Variants in PTK7 observed in about 807,000 individuals in gnomAD.
PTK7 encodes protein tyrosine kinase 7 (inactive), also known as inactive tyrosine-protein kinase 7.
Under a neutral mutation model 116.6 loss-of-function variants are expected in PTK7, and 39 were observed. That is an observed-to-expected ratio of 0.33 (90% confidence interval 0.26 to 0.44). The LOEUF (loss-of-function observed/expected upper bound fraction) is 0.44, where lower values mean the gene tolerates loss of function less well. Among genes scored for constraint, PTK7 ranks in the 20% least tolerant of loss-of-function variants. The pLI, the probability that PTK7 is intolerant of heterozygous loss-of-function variation, is 1.00. For synonymous variants in PTK7, 546 were observed against 563.6 expected, an observed-to-expected ratio of 0.97 and a Z score of 0.44; for missense variants, 1,169 against 1,425.6, an observed-to-expected ratio of 0.82 and a Z score of 2.90.
At chr6:43,137,181 C>T (rs938769936) in intron 7 of PTK7, among the ~76,000 whole-genome samples, 2 of 152,162 alleles carry the variant, frequency 1.3e-5, no homozygotes, top group Admixed American at 6.5e-5. Flanking sequence ...TTCAGAAGAT[C>T]GCTCTGGCTG....
At chr6:43,147,204 T>C (rs538756579) in intron 17 of PTK7, among the ~76,000 whole-genome samples, 302 of 152,378 alleles carry the variant, frequency 2.0e-3, no homozygotes, top group African/African-American at 6.8e-3. Flanking sequence ...CCTTGGGCTG[T>C]AGCTGCCCAG....
intron 17 of PTK7, among the ~76,000 whole-genome samples, chr6:43,151,840 C>G (rs372274287): frequency 2.2e-5 from 3 of 137,888 alleles, no homozygotes; most frequent in Non-Finnish European, 4.7e-5. Flanking sequence ...CCCAGCCCCC[C>G]CGCCCCCCGC....
intron 1 of PTK7, among the ~76,000 whole-genome samples, chr6:43,111,638 A>G (rs1768198358): frequency 6.6e-6 from 1 of 152,234 alleles, no homozygotes; most frequent in South Asian, 2.1e-4. Context: ...CAACAAGCCT[A>G]TGAGGCCAGT....
chr6:43,121,019 T>C (rs548062265), intron 1 of PTK7, among the ~76,000 whole-genome samples: 1 of 150,498 alleles, frequency 6.6e-6, no homozygotes, highest in South Asian at 2.1e-4. Flanking sequence ...TGGTGACCCC[T>C]GGCTGGGGAG....
chr6:43,129,516 C>A lies in PTK7; in HGVS notation c.368-211C>A. On this transcript the variant is annotated intron_variant, in intron 2 of 19. Coordinates refer to ENST00000230419, the MANE Select transcript of PTK7 (RefSeq NM_002821.5). This position sits in a 1 kb window ranked among gnomAD's most constrained non-coding sequence, Gnocchi z 4.5. Reference sequence around the variant, plus strand: ...TGTGCAAATGGAAAGGGCGGCCGAGCCCTTGGCCAAGTGTCAGACTTGACC... The same window carrying A: ...TGTGCAAATGGAAAGGGCGGCCGAGACCTTGGCCAAGTGTCAGACTTGACC... 1 of 699,752 alleles carries A rather than the reference C, an allele frequency of 1.4e-6. No homozygotes were observed. Among genetic ancestry groups the A allele is most frequent in the Non-Finnish European group, 2.3e-6 (1 of 427,824 alleles). 43.3% of individuals were successfully genotyped at this position (699,752 alleles called of 1,614,324 possible).
chr6:43,158,987 G>C lies in PTK7; in HGVS notation c.2873+19G>C, dbSNP rs760604348. 4 of 1,611,818 alleles carry C rather than the reference G, an allele frequency of 2.5e-6. No homozygotes were observed. In the South Asian group the frequency reaches 4.4e-5, roughly 18 times the overall value. ...ACAACAGGTAGAAGGGCATGCGTGG[G>C]GTGGGGGCTCCCCATTTTTTCCCAG... On this transcript the variant is annotated intron_variant, in intron 18 of 19. Transcript: ENST00000230419.
intron 1 of PTK7, among the ~76,000 whole-genome samples, chr6:43,083,980 G>A (rs1766516264): frequency 6.6e-6 from 1 of 152,168 alleles, no homozygotes; most frequent in South Asian, 2.1e-4. Context: ...GAAAAGTTTA[G>A]TTTCCTGGGC....
chr6:43,130,148 G>T, intron 3 of PTK7, 82 bp from the exon 4 acceptor site: 1 of 1,389,172 alleles, frequency 7.2e-7, no homozygotes, highest in East Asian at 2.3e-5. Flanking sequence ...GAAAGGTCTA[G>T]CCCTGACCCT....
At chr6:43,152,093 C>T (rs1415457462) in intron 17 of PTK7, among the ~76,000 whole-genome samples, 3 of 151,696 alleles carry the variant, frequency 2.0e-5, no homozygotes, top group Non-Finnish European at 4.4e-5. Flanking sequence ...GTGATCCACC[C>T]GCCTCGGCCT....
rs192092840 is a variant in PTK7, at chr6:43,143,132, G to A, written c.2048-285G>A. On this transcript the variant is annotated intron_variant, in intron 13 of 19. Coordinates refer to ENST00000230419, the MANE Select transcript of PTK7 (RefSeq NM_002821.5). This position sits in a 1 kb window ranked among gnomAD's most constrained non-coding sequence, Gnocchi z 4.2. ...TCACTTGGGAAGCTTAACAAATAACGTGGGTTTGTGGTAGCTCCTTGACAG... is the reference window on the plus strand; with the variant it reads ...TCACTTGGGAAGCTTAACAAATAACATGGGTTTGTGGTAGCTCCTTGACAG... 2.8e-5 allele frequency: 10 copies of A among 356,070 alleles called. No homozygotes were observed. The highest frequency in any genetic ancestry group is 7.9e-4 in the Middle Eastern group (1 of 1,272). 22.1% of individuals were successfully genotyped at this position (356,070 alleles called of 1,614,324 possible).
chr6:43,101,260 G>GAA (rs1767563719), intron 1 of PTK7, among the ~76,000 whole-genome samples: 1 of 149,150 alleles, frequency 6.7e-6, no homozygotes, highest in South Asian at 2.1e-4. Context: ...TGGGCGCGGT[G>GAA]GAAAGAAAGA....
chr6:43,152,523 T>A (rs1168540858), intron 17 of PTK7, among the ~76,000 whole-genome samples: 2 of 152,212 alleles, frequency 1.3e-5, no homozygotes, highest in Non-Finnish European at 2.9e-5. Flanking sequence ...TGAGACTCCG[T>A]CTGGATGAGG....
Position 43,141,085 on chromosome 6 carries a change from T to C in PTK7, c.1619-583T>C, listed in dbSNP as rs999456057. Among the ~76,000 whole-genome samples the C allele has an allele frequency of 6.6e-6, 1 of 152,206 alleles. No homozygotes were observed. The highest frequency in any genetic ancestry group is 1.5e-5 in the Non-Finnish European group (1 of 68,038). On this transcript the variant is annotated intron_variant, in intron 10 of 19. Coordinates refer to ENST00000230419, the MANE Select transcript of PTK7 (RefSeq NM_002821.5). The surrounding 1 kb of genome is among the most constrained non-coding windows in gnomAD (Gnocchi z 4.9). Reference sequence around the variant, plus strand: ...CAATAAACATCTTTAAGCCAAAGTTTTTTTCTGGATTTAGGTTTATTTCCT... The same window carrying C: ...CAATAAACATCTTTAAGCCAAAGTTCTTTTCTGGATTTAGGTTTATTTCCT...
At chr6:43,146,992 C>G (rs528046846) in intron 17 of PTK7, among the ~76,000 whole-genome samples, 11 of 152,360 alleles carry the variant, frequency 7.2e-5, no homozygotes, top group African/African-American at 2.2e-4. Context: ...GACCTTGCCT[C>G]TGGGCAGGAG....
At chr6:43,158,114 T>C (rs1182646655) in intron 17 of PTK7, among the ~76,000 whole-genome samples, 1 of 151,820 alleles carries the variant, frequency 6.6e-6, no homozygotes, top group Non-Finnish European at 1.5e-5. Context: ...CTGGCTAACA[T>C]GGTGAAACCT....
intron 1 of PTK7, among the ~76,000 whole-genome samples, chr6:43,127,421 C>T (rs2150424684): frequency 6.6e-6 from 1 of 152,390 alleles, no homozygotes; most frequent in East Asian, 1.9e-4. Flanking sequence ...CCTCCGCCTC[C>T]CTAAACCCAT....
At position 43,142,545 on chromosome 6, in the gene PTK7, C is replaced by T. The variant is rs181378462; in HGVS notation, c.2047+246C>T. ...TTGTGGGGGAGTGGGGGGGTGTTCT[C>T]TTCCTACAATGCTGCCTCCCAGGTT... On this transcript the variant is annotated intron_variant, in intron 13 of 19. Coordinates refer to ENST00000230419, the MANE Select transcript of PTK7 (RefSeq NM_002821.5). The T allele has an allele frequency of 2.2e-4, 138 of 635,502 alleles. 1 individual carries two copies. The highest frequency in any genetic ancestry group is 1.9e-3 in the African/African-American group (104 of 55,728). The allele number at this position is 635,502 out of a possible 1,614,324, so 39.4% of individuals were successfully genotyped here.
chr6:43,113,214 T>C (rs539038706), intron 1 of PTK7, among the ~76,000 whole-genome samples: 1 of 152,176 alleles, frequency 6.6e-6, no homozygotes, highest in South Asian at 2.1e-4. Flanking sequence ...AGTGGATCGT[T>C]TGAGGCCAGG....
rs540472766 is a variant in PTK7, at chr6:43,086,234, C to A, written c.79+9667C>A. On this transcript the variant is annotated intron_variant, in intron 1 of 19. Transcript: ENST00000230419. ...CCCAAGGGAGGGGTTTTTATAATCACTGGATGACTGTGGGGGTTTCCCCAG... is the reference window on the plus strand; with the variant it reads ...CCCAAGGGAGGGGTTTTTATAATCAATGGATGACTGTGGGGGTTTCCCCAG... Among the ~76,000 whole-genome samples, 42 of 152,242 alleles carry A rather than the reference C, an allele frequency of 2.8e-4. No homozygotes were observed. The South Asian group carries it at 8.5e-3, about 31-fold the overall frequency.
Sources: gnomAD v4.1 joint callset for allele counts (sites outside exome capture counted in the v4.1 genomes callset) on GRCh38, gnomAD v4.1.1 for gene constraint, Gnocchi (gnomAD v3.1) non-coding constraint, MANE v1.5 for transcripts, NCBI Gene and HGNC (gene_info 2026-07-23, HGNC 2026-07-21) for gene names.